RIN3: variants seen among roughly 807,000 people sequenced by gnomAD.
RIN3 encodes Ras and Rab interactor 3, also known as RAB5 interacting protein 3.
Under a neutral mutation model 76.3 loss-of-function variants are expected in RIN3, and 54 were observed. The ratio of observed to expected loss-of-function variants is 0.71; its 90% CI spans 0.57 to 0.89. The LOEUF (loss-of-function observed/expected upper bound fraction) is 0.89. Among genes scored for constraint, RIN3 ranks in the 40% least tolerant of loss-of-function variants. The pLI is 0.00. For synonymous variants in RIN3, 576 were observed against 564.0 expected (o/e 1.02, Z -0.30); for missense variants, 1,256 against 1,322.1 (o/e 0.95, Z 0.78).
chr14:92,607,028 T>C (rs75597838), intron 3 of RIN3, among the ~76,000 whole-genome samples: 4,148 of 152,316 alleles, frequency 0.027, 190 homozygotes, highest in African/African-American at 0.095. Context: ...TACAATGTGA[T>C]ATATCCATAC....
chr14:92,633,792 C>T (rs1886672214), intron 4 of RIN3, among the ~76,000 whole-genome samples: 1 of 151,920 alleles, frequency 6.6e-6, no homozygotes, highest in Non-Finnish European at 1.5e-5. Context: ...GTAAACTGGA[C>T]TAGAAACTAT....
chr14:92,576,342 G>A (rs1007638603), intron 2 of RIN3: 11 of 1,289,872 alleles, frequency 8.5e-6, no homozygotes, highest in Non-Finnish European at 1.1e-5. Context: ...AGAAGGAGAA[G>A]CGAGTGTCCG....
chr14:92,688,430 T>C lies in RIN3; in HGVS notation c.*178T>C, dbSNP rs894137104. The C allele has an allele frequency of 2.0e-5, 12 of 614,628 alleles. No homozygotes were observed. The highest frequency in any genetic ancestry group is 5.6e-6 in the Non-Finnish European group (2 of 356,964). The allele number at this position is 614,628 out of a possible 1,614,324, so 38.1% of individuals were successfully genotyped here. A position where few individuals can be genotyped will look rare whatever the true frequency, so the allele number is the denominator to read the frequency against. ...ATGACGCTCGTCCAAGGCCACTTCC[T>C]GAGGGCAAGTCCTAATAGCCCTGAG... On this transcript the variant is annotated 3_prime_UTR_variant, in exon 10 of 10. Coordinates refer to ENST00000216487, the MANE Select transcript of RIN3 (RefSeq NM_024832.5).
chr14:92,628,615 C>T (rs890707060), intron 4 of RIN3, among the ~76,000 whole-genome samples: 4 of 152,200 alleles, frequency 2.6e-5, no homozygotes, highest in African/African-American at 7.2e-5. Context: ...CCCATGCTTC[C>T]TGTTCCGTGA....
At chr14:92,621,950 TA>T (rs141821330) in intron 4 of RIN3, among the ~76,000 whole-genome samples, 119 of 152,270 alleles carry the variant, frequency 7.8e-4, no homozygotes, top group Non-Finnish European at 1.5e-3. Context: ...AAATTTCGGG[TA>T]AAGCAGTTTG....
chr14:92,588,139 C>T (rs2140073047), intron 3 of RIN3, among the ~76,000 whole-genome samples: 1 of 151,566 alleles, frequency 6.6e-6, no homozygotes, highest in South Asian at 2.1e-4. Context: ...AAGGCCCCAA[C>T]TCCTCATACC....
At chr14:92,520,069 G>A (rs368738555) in intron 1 of RIN3, among the ~76,000 whole-genome samples, 1 of 152,230 alleles carries the variant, frequency 6.6e-6, no homozygotes, top group African/African-American at 2.4e-5. Flanking sequence ...GAACATGGCT[G>A]CAGAACCCCC....
intron 4 of RIN3, among the ~76,000 whole-genome samples, chr14:92,638,520 G>T (rs1398764761): frequency 6.6e-6 from 1 of 152,294 alleles, no homozygotes; most frequent in East Asian, 1.9e-4. Flanking sequence ...GGCAGTCAGG[G>T]GGTGGGCACA....
intron 4 of RIN3, among the ~76,000 whole-genome samples, chr14:92,635,578 G>C (rs983436537): frequency 3.3e-5 from 5 of 152,160 alleles, no homozygotes; most frequent in Non-Finnish European, 7.3e-5. Context: ...GAGGCTGGGC[G>C]TGGCGGCTCA....
intron 3 of RIN3, among the ~76,000 whole-genome samples, chr14:92,611,629 T>A (rs1046515243): frequency 4.6e-5 from 7 of 152,172 alleles, no homozygotes; most frequent in African/African-American, 7.2e-5. Context: ...GTCAGCTTGG[T>A]TACATCTACA....
Position 92,555,753 on chromosome 14 carries a change from C to A in RIN3, c.47C>A (p.Pro16Gln), listed in dbSNP as rs1363627007. ...GAPARGDPTG[P>Q]VPVVGKGEEE... ...GATCATTGAATTCTGTTTTTCAGTC[C>A]GGTTCCAGTTGTTGGCAAAGGAGAG... The change falls in exon 2 of 10, where the codon CCG becomes CAG. Residue 16 changes from proline (P) to glutamine (Q), a missense_variant and splice_region_variant. By Grantham distance (76) the Pro-to-Gln change is moderately conservative. This residue lies in a region of RIN3 where 610 missense variants were observed against 626.4 expected (regional missense o/e 0.97). Coordinates refer to ENST00000216487, the MANE Select transcript of RIN3 (RefSeq NM_024832.5). The A allele has an allele frequency of 6.2e-7, 1 of 1,614,036 alleles. No homozygotes were observed. Among genetic ancestry groups the A allele is most frequent in the Non-Finnish European group, 8.5e-7 (1 of 1,179,988 alleles).
chr14:92,615,868 G>T, intron 4 of RIN3: 1 of 200,288 alleles, frequency 5.0e-6, no homozygotes. Flanking sequence ...TGATTACTAA[G>T]CAGCTGCTGG....
chr14:92,674,616 C>A (rs544843784), intron 7 of RIN3, among the ~76,000 whole-genome samples: 1 of 152,114 alleles, frequency 6.6e-6, no homozygotes, highest in Non-Finnish European at 1.5e-5. Flanking sequence ...AGGCCGGGCG[C>A]TGTGGCTCAC....
chr14:92,660,241 G>T (rs1046916796), intron 7 of RIN3, among the ~76,000 whole-genome samples: 6 of 152,374 alleles, frequency 3.9e-5, no homozygotes, highest in East Asian at 3.9e-4. Flanking sequence ...GCCTGAGCTT[G>T]CGTGGGCTTA....
At chr14:92,553,427 C>T (rs1488872102) in intron 1 of RIN3, among the ~76,000 whole-genome samples, 1 of 152,130 alleles carries the variant, frequency 6.6e-6, no homozygotes, top group African/African-American at 2.4e-5. Context: ...TGGGACCACA[C>T]TCAGGGCCTG....
chr14:92,598,632 C>T (rs569376006), intron 3 of RIN3, among the ~76,000 whole-genome samples: 1 of 152,134 alleles, frequency 6.6e-6, no homozygotes, highest in African/African-American at 2.4e-5. Context: ...GATTTAAACC[C>T]CAGAAACCCG....
chr14:92,608,801 C>T (rs1205740168), intron 3 of RIN3, among the ~76,000 whole-genome samples: 1 of 152,184 alleles, frequency 6.6e-6, no homozygotes, highest in African/African-American at 2.4e-5. Flanking sequence ...TCCCAAAGTG[C>T]TGGGATTACA....
intron 3 of RIN3, among the ~76,000 whole-genome samples, chr14:92,600,815 A>G (rs531146197): frequency 2.0e-5 from 3 of 152,212 alleles, no homozygotes; most frequent in South Asian, 4.1e-4. Context: ...TGTCTTGGGC[A>G]TTGGAGAATG....
chr14:92,542,818 A>G (rs866254505), intron 1 of RIN3, among the ~76,000 whole-genome samples: 1 of 152,216 alleles, frequency 6.6e-6, no homozygotes, highest in Non-Finnish European at 1.5e-5. Flanking sequence ...CATGATGCCA[A>G]GTGAAAGCCA....
Sources: gnomAD v4.1 joint callset for allele counts (sites outside exome capture counted in the v4.1 genomes callset) on GRCh38, gnomAD v4.1.1 for gene constraint, gnomAD v4.1.1 regional missense constraint, MANE v1.5 for transcripts, NCBI Gene and HGNC (gene_info 2026-07-23, HGNC 2026-07-21) for gene names.